The following LDB3 variants were observed in gnomAD, a reference collection of about 807,000 sequenced individuals.
LDB3 encodes LIM domain-binding protein 3.
Under a neutral mutation model 69.0 loss-of-function variants are expected in LDB3, and 49 were observed. The ratio of observed to expected loss-of-function variants is 0.71; its 90% CI spans 0.56 to 0.90. LDB3 has a LOEUF of 0.90. Ranked by LOEUF, LDB3 falls within the 40% of genes least tolerant of loss-of-function variation. The probability of loss-of-function intolerance (pLI) is 0.00; values close to 1 mark genes in which losing one functional copy is unlikely to be tolerated. For synonymous variants in LDB3, 387 were observed against 396.2 expected, an observed-to-expected ratio of 0.98 and a Z score of 0.28; for missense variants, 928 against 974.1, an observed-to-expected ratio of 0.95 and a Z score of 0.63.
At chr10:86,709,799 G>C in intron 8 of LDB3, 106 bp from the exon 9 acceptor site, 1 of 1,215,160 alleles carries the variant, frequency 8.2e-7, no homozygotes, top group Non-Finnish European at 1.2e-6. Flanking sequence ...GTCTCTGTCA[G>C]GTGTCCTCAC....
chr10:86,703,852 G>A (rs140391847), intron 7 of LDB3, among the ~76,000 whole-genome samples: 90 of 152,274 alleles, frequency 5.9e-4, no homozygotes, highest in East Asian at 2.9e-3. Context: ...AGTGGCTCAC[G>A]CCTGTAATCC....
intron 5 of LDB3, among the ~76,000 whole-genome samples, chr10:86,688,777 G>A (rs1432385995): frequency 6.6e-6 from 1 of 152,208 alleles, no homozygotes; most frequent in Non-Finnish European, 1.5e-5. Context: ...AAGTTCAATG[G>A]AGAATAATGA....
At chr10:86,721,268 C>T (rs1847077001) in intron 12 of LDB3, among the ~76,000 whole-genome samples, 1 of 152,170 alleles carries the variant, frequency 6.6e-6, no homozygotes, top group Non-Finnish European at 1.5e-5. Flanking sequence ...TAGTAGCTAT[C>T]CTAACGGGTA....
rs149945820 is a variant in LDB3, at chr10:86,718,826, G to C, written c.1957G>C (p.Gly653Arg). Residue 653 changes from glycine (G) to arginine (R), a missense_variant, in exon 12 of 14, where the codon GGG (glycine) becomes CGG (arginine). By Grantham distance (125) the Gly-to-Arg change is moderately radical. Coordinates refer to ENST00000361373, the MANE Select transcript of LDB3 (RefSeq NM_007078.3). ...GAACAGCCTCTTCCACATGGAAGAC[G>C]GGGAGCCCTACTGCGAGAAAGGTAG... is the stretch of plus-strand genomic sequence containing the variant. ...FGNSLFHMED[G>R]EPYCEKDYIN... The C allele has an allele frequency of 1.2e-5, 19 of 1,613,980 alleles. No individual in the cohort carries two copies. The highest frequency in any genetic ancestry group is 6.7e-5 in the East Asian group (3 of 44,892).
rs748433510 is a variant in LDB3, at chr10:86,716,633, C to T, written c.1538C>T (p.Thr513Ile). 6.2e-7 allele frequency: 1 copy of T among 1,613,764 alleles called. No individual in the cohort carries two copies. The highest frequency in any genetic ancestry group is 1.3e-5 in the African/African-American group (1 of 74,828). ...GKSTTSISKQ[T>I]LPRGGPAYTP... is the part of the protein sequence containing the mutation. ...AGCACCACCTCCATCAGCAAGCAGA[C>T]CCTGCCCCGGGGAGGCCCAGCCTAC... is the stretch of plus-strand genomic sequence containing the variant. Residue 513 changes from threonine (T) to isoleucine (I), a missense_variant, in exon 10 of 14, where the codon ACC (threonine) becomes ATC (isoleucine). By Grantham distance (89) the Thr-to-Ile change is moderately conservative. Coordinates refer to ENST00000361373, the MANE Select transcript of LDB3 (RefSeq NM_007078.3).
intron 13 of LDB3, chr10:86,732,414 T>G: frequency 2.3e-6 from 1 of 434,700 alleles, no homozygotes. Flanking sequence ...ATAGTCCAAC[T>G]CATGTACTCT....
intron 5 of LDB3, among the ~76,000 whole-genome samples, chr10:86,686,858 TG>T: frequency 6.6e-6 from 1 of 151,762 alleles, no homozygotes; most frequent in East Asian, 1.9e-4. Context: ...CACTGGGCTT[TG>T]GGGGAGGGTG....
At chr10:86,701,168 T>C (rs149946613) in intron 7 of LDB3, among the ~76,000 whole-genome samples, 6 of 152,342 alleles carry the variant, frequency 3.9e-5, no homozygotes, top group African/African-American at 1.2e-4. Flanking sequence ...CAGGCAGCCT[T>C]CATCCCGCTG....
Position 86,699,855 on chromosome 10 carries a change from TC to T in LDB3, c.897-6675del. On this transcript the variant is annotated intron_variant, in intron 7 of 13. Coordinates refer to ENST00000361373, the MANE Select transcript of LDB3 (RefSeq NM_007078.3). The surrounding 1 kb of genome is among the most constrained non-coding windows in gnomAD (Gnocchi z 4.9). ...CGGCTCCCTCGCTGCCCTCTGGAGC[TC>T]AGGGCAGCCCGGAATAGGGCTCTTT... The T allele has an allele frequency of 2.0e-6, 2 of 1,022,724 alleles. No homozygotes were observed. Among genetic ancestry groups the T allele is most frequent in the East Asian group, 1.7e-4 (2 of 11,638 alleles). 63.4% of individuals were successfully genotyped at this position (1,022,724 alleles called of 1,614,324 possible).
chr10:86,729,168 G>A (rs1847372671), intron 13 of LDB3, among the ~76,000 whole-genome samples: 2 of 152,146 alleles, frequency 1.3e-5, no homozygotes, highest in African/African-American at 2.4e-5. Flanking sequence ...GAGTGTTCCA[G>A]AACAAGTCTC....
At chr10:86,681,967 G>A (rs1845175632) in intron 5 of LDB3, among the ~76,000 whole-genome samples, 164 bp downstream of exon 5, 1 of 152,214 alleles carries the variant, frequency 6.6e-6, no homozygotes, top group Non-Finnish European at 1.5e-5. Flanking sequence ...CCATGAGCCG[G>A]GCATGCTAGC....
chr10:86,673,768 C>T (rs1412104999), intron 2 of LDB3, among the ~76,000 whole-genome samples: 1 of 145,252 alleles, frequency 6.9e-6, no homozygotes, highest in African/African-American at 2.6e-5. Flanking sequence ...TATCTGCCAC[C>T]TGCCCCAGCC....
Position 86,680,127 on chromosome 10 carries a change from G to A in LDB3, c.291G>A (p.Gln97=). The change falls in exon 4 of 14, where the codon CAG becomes CAA. Residue 97 remains glutamine, a synonymous_variant. Transcript: ENST00000361373. ...IPISTTAPPV[Q]TPLPVIPHQK... The stretch of plus-strand genomic sequence containing the variant: ...TCTCCACGACAGCACCTCCAGTCCA[G>A]ACCCCTCTGCCGGTGATCCCTCACC... The A allele has an allele frequency of 6.2e-7, 1 of 1,614,180 alleles. No homozygotes were observed. The highest frequency in any genetic ancestry group is 8.5e-7 in the Non-Finnish European group (1 of 1,180,006).
rs763908636 is a variant in LDB3 at position 86,716,771 on chromosome 10, G to A, written c.1676G>A (p.Arg559Gln). ...TGCGGTCACTGCAACAATGTCATCC[G>A]GTATGGTCCAGCTGTGCCCCTGCAC... ...PLCGHCNNVI[R>Q]GPFLVAMGRS... Residue 559 changes from arginine to glutamine, a missense_variant and splice_region_variant, in exon 10 of 14, where the codon CGG becomes CAG. By Grantham distance (43) the Arg-to-Gln change is conservative. Coordinates refer to ENST00000361373, the MANE Select transcript of LDB3 (RefSeq NM_007078.3). 32 of 1,604,594 alleles carry A rather than the reference G, an allele frequency of 2.0e-5. No homozygotes were observed. The African/African-American group carries it at 2.0e-4, about 10-fold the overall frequency.
chr10:86,728,581 C>CTTT (rs1554868869), intron 13 of LDB3, among the ~76,000 whole-genome samples: 6 of 97,580 alleles, frequency 6.1e-5, no homozygotes, highest in African/African-American at 2.2e-4. Context: ...GAACATGGTT[C>CTTT]TTTTGTTTTT....
At position 86,718,089 on chromosome 10, in the gene LDB3, G is replaced by A. The variant is rs1846941498; in HGVS notation, c.1802G>A (p.Cys601Tyr). 1.2e-6 allele frequency: 2 copies of A among 1,614,158 alleles called. No homozygotes were observed. The highest frequency in any genetic ancestry group is 2.2e-5 in the East Asian group (1 of 44,880). Residue 601 changes from cysteine (C) to tyrosine (Y), a missense_variant, in exon 11 of 14, where the codon TGT becomes TAT. Coordinates refer to ENST00000361373, the MANE Select transcript of LDB3 (RefSeq NM_007078.3). The part of the protein sequence containing the change: ...EEQNNVYCER[C>Y]YEQFFAPLCA... Reference sequence around the variant, plus strand: ...CAGAACAACGTTTACTGTGAGCGATGTTATGAGCAATTCTTTGCCCCGCTG... The same window carrying A: ...CAGAACAACGTTTACTGTGAGCGATATTATGAGCAATTCTTTGCCCCGCTG...
Position 86,681,674 on chromosome 10 carries a change from C to A in LDB3, c.560C>A (p.Pro187Gln), listed in dbSNP as rs149218167. 3.1e-6 allele frequency: 5 copies of A among 1,613,360 alleles called. No homozygotes were observed. In the South Asian group the frequency reaches 3.3e-5, roughly 11 times the overall value. The change falls in exon 5 of 14, where the codon CCG becomes CAG. Residue 187 changes from proline (P) to glutamine (Q), a missense_variant. Physicochemically the swap from Pro to Gln is moderately conservative, Grantham distance 76. Coordinates refer to ENST00000361373, the MANE Select transcript of LDB3 (RefSeq NM_007078.3). ...ARDLLGPKAL[P>Q]GSSQPRQYNN... ...GACCTACTCGGCCCAAAAGCCCTGCCGGGCTCGAGCCAGCCGAGGCAATAT... is the reference window on the plus strand; with the variant it reads ...GACCTACTCGGCCCAAAAGCCCTGCAGGGCTCGAGCCAGCCGAGGCAATAT...
chr10:86,709,622 A>G (rs1846564243), intron 8 of LDB3, among the ~76,000 whole-genome samples: 1 of 152,072 alleles, frequency 6.6e-6, no homozygotes, highest in Non-Finnish European at 1.5e-5. Context: ...CCACAGTCCC[A>G]CCTGGACAGT....
intron 4 of LDB3, 116 bp from the exon 5 acceptor site, chr10:86,681,304 CCAGGCGCTCTGGGCTT>C: frequency 7.3e-7 from 1 of 1,372,296 alleles, no homozygotes; most frequent in South Asian, 1.2e-5. Context: ...AGTGCTGCGC[CCAGGCGCTCTGGGCTT>C]CAGGCTGCGG....
Sources: allele counts gnomAD v4.1 joint callset (sites outside exome capture counted in the v4.1 genomes callset), GRCh38; gene constraint gnomAD v4.1.1; non-coding constraint Gnocchi (gnomAD v3.1); transcripts MANE v1.5; gene names NCBI Gene and HGNC (gene_info 2026-07-23, HGNC 2026-07-21).